PKNOX2: variants seen among roughly 807,000 people sequenced by gnomAD.
PKNOX2 encodes PBX/knotted 1 homeobox 2.
PKNOX2 carries 14 observed loss-of-function variants against 53.1 expected under a neutral mutation model. That is an observed-to-expected ratio of 0.26 (90% CI 0.17 to 0.41). PKNOX2 has a LOEUF of 0.41. Ranked by LOEUF, PKNOX2 falls within the 10% of genes least tolerant of loss-of-function variation. The pLI, the probability that PKNOX2 is intolerant of heterozygous loss-of-function variation, is 1.00. For synonymous variants in PKNOX2, 257 were observed against 242.8 expected (o/e 1.06, Z -0.54); for missense variants, 496 against 602.8 (o/e 0.82, Z 1.85).
intron 1 of PKNOX2, among the ~76,000 whole-genome samples, chr11:125,194,753 T>C (rs1169798468): frequency 6.6e-6 from 1 of 152,220 alleles, no homozygotes; most frequent in Non-Finnish European, 1.5e-5. Flanking sequence ...TAAAACAGAC[T>C]CATTCAACGC....
Position 125,165,353 on chromosome 11 carries a change from C to T in PKNOX2, c.-201+577C>T, listed in dbSNP as rs1034864049. Among the ~76,000 whole-genome samples the T allele has an allele frequency of 1.3e-5, 2 of 152,048 alleles. No homozygotes were observed. ...CCCGAGCCCGGGTGCAGAAGGCTCC[C>T]GGCCGGGCGCTCCGCGGGGAGAGGC... On this transcript the variant is annotated intron_variant, in intron 1 of 12. Coordinates refer to ENST00000298282, the MANE Select transcript of PKNOX2 (RefSeq NM_001382323.2). This position sits in a 1 kb window ranked among gnomAD's most constrained non-coding sequence, Gnocchi z 4.5.
At chr11:125,330,968 C>G (rs567526549) in intron 2 of PKNOX2, among the ~76,000 whole-genome samples, 3 of 152,162 alleles carry the variant, frequency 2.0e-5, no homozygotes, top group African/African-American at 7.2e-5. Flanking sequence ...GCGGTTCTCC[C>G]GATGCTGCTC....
At chr11:125,409,667 G>C (rs372171454) in intron 7 of PKNOX2, among the ~76,000 whole-genome samples, 2 of 152,156 alleles carry the variant, frequency 1.3e-5, no homozygotes, top group African/African-American at 4.8e-5. Context: ...GCAGCCGGGG[G>C]ACGGGAAAGC....
chr11:125,236,948 A>G (rs1261832419), intron 2 of PKNOX2, among the ~76,000 whole-genome samples: 1 of 152,206 alleles, frequency 6.6e-6, no homozygotes. Context: ...AAAATCACCC[A>G]TAACAGAATG....
chr11:125,352,111 G>T lies in PKNOX2; in HGVS notation c.87+719G>T, dbSNP rs569249558. Among the ~76,000 whole-genome samples, 86 of 152,204 alleles carry T rather than the reference G, an allele frequency of 5.7e-4. No homozygotes were observed. The highest frequency in any genetic ancestry group is 2.0e-3 in the African/African-American group (83 of 41,502). On this transcript the variant is annotated intron_variant, in intron 4 of 12. Coordinates refer to ENST00000298282, the MANE Select transcript of PKNOX2 (RefSeq NM_001382323.2). The surrounding 1 kb of genome is among the most constrained non-coding windows in gnomAD (Gnocchi z 4.1). ...CTCCTCCTGGAAGCCTGCCCAGCTT[G>T]TGGGGGCTGCCCTCCTACATCCTTT...
At chr11:125,263,699 G>C (rs749034280) in intron 2 of PKNOX2, among the ~76,000 whole-genome samples, 1 of 152,238 alleles carries the variant, frequency 6.6e-6, no homozygotes, top group Admixed American at 6.5e-5. Flanking sequence ...GTCTTCGCAC[G>C]GAGGGCGTGG....
intron 3 of PKNOX2, among the ~76,000 whole-genome samples, chr11:125,345,632 C>G (rs546533966): frequency 6.6e-6 from 1 of 152,126 alleles, no homozygotes; most frequent in Non-Finnish European, 1.5e-5. Context: ...AGGTTGACAC[C>G]GTTATTTCAA....
At chr11:125,242,972 C>A (rs1171647109) in intron 2 of PKNOX2, among the ~76,000 whole-genome samples, 1 of 152,204 alleles carries the variant, frequency 6.6e-6, no homozygotes, top group African/African-American at 2.4e-5. Flanking sequence ...CTGTTATTTA[C>A]TTAGCTGGGA....
At chr11:125,182,335 C>A (rs552326080) in intron 1 of PKNOX2, among the ~76,000 whole-genome samples, 1 of 152,278 alleles carries the variant, frequency 6.6e-6, no homozygotes, top group South Asian at 2.1e-4. Flanking sequence ...CCCATTGCTC[C>A]TTCTACGTGG....
intron 2 of PKNOX2, among the ~76,000 whole-genome samples, chr11:125,249,470 C>T (rs1943832190): frequency 6.6e-6 from 1 of 152,208 alleles, no homozygotes; most frequent in African/African-American, 2.4e-5. Flanking sequence ...GCTGCATCTT[C>T]ACTGAGCATG....
rs1256376431 is a variant in PKNOX2, at chr11:125,431,807, G to A, written c.*415G>A. On this transcript the variant is annotated 3_prime_UTR_variant, in exon 13 of 13. Coordinates refer to ENST00000298282, the MANE Select transcript of PKNOX2 (RefSeq NM_001382323.2). ...CTTTGCCCGGGGGCAGACTTAGAAGGAAGGGGAGAGACAAAGGGGGACTGA... is the reference window on the plus strand; with the variant it reads ...CTTTGCCCGGGGGCAGACTTAGAAGAAAGGGGAGAGACAAAGGGGGACTGA... 1 of 173,726 alleles carries A rather than the reference G, an allele frequency of 5.8e-6. No individual in the cohort carries two copies. The highest frequency in any genetic ancestry group is 2.4e-5 in the African/African-American group (1 of 42,204). 10.8% of individuals were successfully genotyped at this position (173,726 alleles called of 1,614,324 possible).
intron 2 of PKNOX2, among the ~76,000 whole-genome samples, chr11:125,316,328 C>T (rs1949191230): frequency 6.6e-6 from 1 of 152,142 alleles, no homozygotes; most frequent in Non-Finnish European, 1.5e-5. Context: ...ATGCACTGGG[C>T]CCCTAAAGAC....
chr11:125,201,444 G>A (rs966907677), intron 1 of PKNOX2, among the ~76,000 whole-genome samples: 43 of 152,162 alleles, frequency 2.8e-4, no homozygotes, highest in Non-Finnish European at 4.7e-4. Context: ...TATGGAAAAT[G>A]TCCACAAGGA....
intron 10 of PKNOX2, among the ~76,000 whole-genome samples, chr11:125,420,124 C>T (rs989507079): frequency 2.6e-5 from 4 of 151,182 alleles, no homozygotes; most frequent in Non-Finnish European, 5.9e-5. Context: ...GAGGTCAAGG[C>T]TGCAGTGAGC....
chr11:125,183,406 C>T lies in PKNOX2; in HGVS notation c.-201+18630C>T, dbSNP rs1324330062. ...TAATTTTTTGTATTTTTAGTAGAGACGGGGTTTCACCTTGTTAGCCAGGAT... is the reference window on the plus strand; with the variant it reads ...TAATTTTTTGTATTTTTAGTAGAGATGGGGTTTCACCTTGTTAGCCAGGAT... On this transcript the variant is annotated intron_variant, in intron 1 of 12. Coordinates refer to ENST00000298282, the MANE Select transcript of PKNOX2 (RefSeq NM_001382323.2). 1.4e-4 allele frequency among the ~76,000 whole-genome samples: 8 copies of T among 56,188 alleles called. 1 individual carries two copies. In the South Asian group the frequency reaches 2.3e-3, roughly 16 times the overall value. 36.9% of individuals were successfully genotyped at this position (56,188 alleles called of 152,430 possible). A position where few individuals can be genotyped will look rare whatever the true frequency, so the allele number is the denominator to read the frequency against.
At chr11:125,328,934 C>T (rs924345577) in intron 2 of PKNOX2, among the ~76,000 whole-genome samples, 2 of 152,214 alleles carry the variant, frequency 1.3e-5, no homozygotes, top group Non-Finnish European at 2.9e-5. Flanking sequence ...TATGACCTTC[C>T]TGCAAGTAAT....
intron 1 of PKNOX2, among the ~76,000 whole-genome samples, chr11:125,206,016 G>A (rs999908482): frequency 3.9e-5 from 6 of 152,022 alleles, no homozygotes; most frequent in East Asian, 1.9e-4. Context: ...GCTGTGCACC[G>A]GGGTGATCTG....
intron 2 of PKNOX2, among the ~76,000 whole-genome samples, chr11:125,291,499 C>T (rs1454279417): frequency 6.6e-6 from 1 of 152,174 alleles, no homozygotes; most frequent in Non-Finnish European, 1.5e-5. Context: ...TGCAAAACAG[C>T]TTAGTGGTTC....
intron 2 of PKNOX2, among the ~76,000 whole-genome samples, chr11:125,322,362 C>T (rs568130259): frequency 3.3e-5 from 5 of 152,218 alleles, no homozygotes; most frequent in African/African-American, 1.2e-4. Context: ...TGCCGGTAGC[C>T]ATCCCTCCAG....
Sources: allele counts gnomAD v4.1 joint callset (sites outside exome capture counted in the v4.1 genomes callset), GRCh38; gene constraint gnomAD v4.1.1; non-coding constraint Gnocchi (gnomAD v3.1); transcripts MANE v1.5; gene names NCBI Gene and HGNC (gene_info 2026-07-23, HGNC 2026-07-21).